Variants in USP20 observed in about 807,000 individuals in gnomAD.
USP20 encodes the protein ubiquitin specific peptidase 20, also known as ubiquitin carboxyl-terminal hydrolase 20.
A neutral mutation model predicts 124.2 loss-of-function variants in USP20; 80 were observed. The observed-to-expected ratio is 0.64, with a 90% CI of 0.54 to 0.78. The LOEUF is 0.78. Ranked by LOEUF, USP20 falls within the 30% of genes least tolerant of loss-of-function variation. USP20 has a pLI of 0.00. For missense variants in USP20, 1,043 were observed against 1,244.4 expected, an observed-to-expected ratio of 0.84 and a Z score of 2.44; for synonymous variants, 481 against 512.3, an observed-to-expected ratio of 0.94 and a Z score of 0.83.
At chr9:129,842,324 G>A (rs892845608) in intron 1 of USP20, among the ~76,000 whole-genome samples, 32 of 152,156 alleles carry the variant, frequency 2.1e-4, no homozygotes, top group Non-Finnish European at 3.8e-4. Flanking sequence ...CCCTCAGTGA[G>A]TGTAGGAAAC....
In USP20 at chr9:129,880,136, G is replaced by C; in HGVS notation, c.2608G>C (p.Glu870Gln). ...KQGADYGQIS[E>Q]ETWTYLNSLY... ...AGGAGCTGACTACGGGCAGATTTCGGAGGAGACCTGGACCTACCTGAACAG... is the reference window on the plus strand; with the variant it reads ...AGGAGCTGACTACGGGCAGATTTCGCAGGAGACCTGGACCTACCTGAACAG... The change falls in exon 25 of 26, where the codon GAG becomes CAG. Residue 870 changes from glutamate to glutamine, a missense_variant. Coordinates refer to ENST00000372429, the MANE Select transcript of USP20 (RefSeq NM_001110303.4). 1.9e-6 allele frequency: 3 copies of C among 1,613,824 alleles called. No homozygotes were observed. Among genetic ancestry groups the C allele is most frequent in the East Asian group, 2.2e-5 (1 of 44,880 alleles).
chr9:129,842,968 A>G (rs1378642901), intron 1 of USP20, among the ~76,000 whole-genome samples: 1 of 152,086 alleles, frequency 6.6e-6, no homozygotes, highest in African/African-American at 2.4e-5. Flanking sequence ...ATTTTTAACC[A>G]TTAATTTTTA....
Position 129,874,619 on chromosome 9 carries a change from A to C in USP20, c.1784A>C (p.Tyr595Ser), listed in dbSNP as rs1201239626. 1 of 1,613,586 alleles carries C rather than the reference A, an allele frequency of 6.2e-7. No individual in the cohort carries two copies. The highest frequency in any genetic ancestry group is 8.5e-7 in the Non-Finnish European group (1 of 1,179,998). Residue 595 changes from tyrosine (Y) to serine (S), a missense_variant, in exon 18 of 26, where the codon TAC (tyrosine) becomes TCC (serine). By Grantham distance (144) the Tyr-to-Ser change is moderately radical. Transcript: ENST00000372429. ...AAGCGCTTTCGGCACGAGGTGATGT[A>C]CTCATTCAAGATCAACAGCCACGTC... Reference protein sequence around the residue: ...HLKRFRHEVMYSFKINSHVSF... With the variant: ...HLKRFRHEVMSSFKINSHVSF...
chr9:129,841,011 T>G (rs1237245742), intron 1 of USP20, among the ~76,000 whole-genome samples: 1 of 152,148 alleles, frequency 6.6e-6, no homozygotes, highest in Non-Finnish European at 1.5e-5. Context: ...CCTCTGGTGA[T>G]CCGCCAGCCT....
chr9:129,841,566 A>G (rs745423257), intron 1 of USP20, among the ~76,000 whole-genome samples: 125 of 152,274 alleles, frequency 8.2e-4, no homozygotes, highest in Non-Finnish European at 1.5e-3. Flanking sequence ...ACATTGACCC[A>G]CAATCCAGCT....
Position 129,846,243 on chromosome 9 carries a change from A to ATT in USP20, c.-128-3569_-128-3568insTT, listed in dbSNP as rs1270846866. 9.7e-3 allele frequency among the ~76,000 whole-genome samples: 350 copies of ATT among 35,948 alleles called. 17 individuals are homozygous for ATT. Among genetic ancestry groups the ATT allele is most frequent in the Admixed American group, 0.023 (48 of 2,086 alleles). The allele number at this position is 35,948 out of a possible 152,430, so 23.6% of individuals were successfully genotyped here. A position where few individuals can be genotyped will look rare whatever the true frequency, so the allele number is the denominator to read the frequency against. On this transcript the variant is annotated intron_variant, in intron 1 of 25. Coordinates refer to ENST00000372429, the MANE Select transcript of USP20 (RefSeq NM_001110303.4). ...TGCGCCCAGCCATATATATATATATATATATTTTTTTTTTTTTTTTTTTTT... is the reference window on the plus strand; with the variant it reads ...TGCGCCCAGCCATATATATATATATATTTATATTTTTTTTTTTTTTTTTTTTT...
rs775910186 is a variant in USP20, at chr9:129,878,374, G to A, written c.2446G>A (p.Val816Ile). Residue 816 changes from valine (V) to isoleucine (I), a missense_variant, in exon 23 of 26, where the codon GTC becomes ATC. Transcript: ENST00000372429. Reference sequence around the variant, plus strand: ...CTTCCAGGCCGAGGAGTCGCCGGGCGTCATCTACTGCATCAGCATGCAGTG... The same window carrying A: ...CTTCCAGGCCGAGGAGTCGCCGGGCATCATCTACTGCATCAGCATGCAGTG... ...KAFQAEESPG[V>I]IYCISMQWFR... 46 of 1,607,796 alleles carry A rather than the reference G, an allele frequency of 2.9e-5. No individual in the cohort carries two copies. Among genetic ancestry groups the A allele is most frequent in the African/African-American group, 5.3e-5 (4 of 74,892 alleles).
At chr9:129,878,590 GC>G (rs1271449176) in intron 23 of USP20, 150 bp downstream of exon 23, 1 of 688,290 alleles carries the variant, frequency 1.5e-6, no homozygotes, top group Non-Finnish European at 2.4e-6. Flanking sequence ...AGAGCATGGG[GC>G]TTTGCCAGTC....
In USP20 at chr9:129,880,628, T is replaced by C. The variant is rs2034602266; in HGVS notation, c.*178T>C. 1 of 214,576 alleles carries C rather than the reference T, an allele frequency of 4.7e-6. No homozygotes were observed. Among genetic ancestry groups the C allele is most frequent in the Non-Finnish European group, 9.6e-6 (1 of 104,588 alleles). 13.3% of individuals were successfully genotyped at this position (214,576 alleles called of 1,614,324 possible). A position where few individuals can be genotyped will look rare whatever the true frequency, so the allele number is the denominator to read the frequency against. On this transcript the variant is annotated 3_prime_UTR_variant, in exon 26 of 26. Coordinates refer to ENST00000372429, the MANE Select transcript of USP20 (RefSeq NM_001110303.4). Reference sequence around the variant, plus strand: ...TCAGGCTTGTTGAAACGACCAAGACTCTGTGACGTTAATTTGGGTCTTTGT... The same window carrying C: ...TCAGGCTTGTTGAAACGACCAAGACCCTGTGACGTTAATTTGGGTCTTTGT...
intron 19 of USP20, 137 bp from the exon 20 acceptor site, chr9:129,875,173 C>A: frequency 8.0e-7 from 1 of 1,243,752 alleles, no homozygotes; most frequent in Non-Finnish European, 1.1e-6. Flanking sequence ...GGGCTGCTCA[C>A]ATGTCCAGGA....
chr9:129,845,416 G>A (rs966936873), intron 1 of USP20, among the ~76,000 whole-genome samples: 2 of 151,978 alleles, frequency 1.3e-5, no homozygotes, highest in African/African-American at 2.4e-5. Flanking sequence ...TTTTTGGTTT[G>A]TTTTTGTTTT....
chr9:129,873,171 C>T (rs966056943), intron 15 of USP20, among the ~76,000 whole-genome samples: 24 of 150,752 alleles, frequency 1.6e-4, no homozygotes, highest in African/African-American at 5.9e-4. Flanking sequence ...CTGCCCCGAG[C>T]CCCCCAGGTT....
chr9:129,876,279 T>G, intron 22 of USP20, 41 bp downstream of exon 22: 1 of 1,539,242 alleles, frequency 6.5e-7, no homozygotes, highest in East Asian at 2.4e-5. Flanking sequence ...TCTGCCAGCC[T>G]CTGCCTGGGG....
In USP20 at chr9:129,875,403, C is replaced by G. The variant is rs747398875; in HGVS notation, c.2142C>G (p.Arg714=). 4 of 1,613,660 alleles carry G rather than the reference C, an allele frequency of 2.5e-6. No individual in the cohort carries two copies. In the South Asian group the frequency reaches 4.4e-5, roughly 18 times the overall value. ...EPSLLRFYVS[R]EWLNKFNTFA... is the part of the protein sequence containing the mutation. Reference sequence around the variant, plus strand: ...GCCTGCTGCGGTTCTACGTGTCCCGCGAGTGGCTCAACAAGTTCAACACCT... The same window carrying G: ...GCCTGCTGCGGTTCTACGTGTCCCGGGAGTGGCTCAACAAGTTCAACACCT... The change falls in exon 20 of 26, where the codon CGC becomes CGG. Residue 714 remains arginine, a synonymous_variant. Transcript: ENST00000372429.
intron 10 of USP20, 150 bp downstream of exon 10, chr9:129,865,531 A>T: frequency 1.3e-6 from 1 of 756,040 alleles, no homozygotes; most frequent in East Asian, 2.7e-5. Context: ...AGCCCTTCAC[A>T]CGTGTGAGGA....
At chr9:129,873,080 C>CTTTTTTTTTTTTTTTTTT (rs59712662) in intron 15 of USP20, among the ~76,000 whole-genome samples, 8 of 78,362 alleles carry the variant, frequency 1.0e-4, no homozygotes, top group Non-Finnish European at 1.6e-4. Context: ...TTTTCTTCTT[C>CTTTTTTTTTTTTTTTTTT]TTTTTTTTTT....
At chr9:129,873,419 C>CT (rs1266789031) in intron 15 of USP20, 63 bp from the exon 16 acceptor site, 20 of 1,587,358 alleles carry the variant, frequency 1.3e-5, no homozygotes, top group Non-Finnish European at 1.4e-5. Context: ...ATTATAGTCA[C>CT]TTTTTTTTGC....
At chr9:129,846,243 A>T (rs568819831) in intron 1 of USP20, among the ~76,000 whole-genome samples, 2,308 of 35,334 alleles carry the variant, frequency 0.065, 119 homozygotes, top group East Asian at 0.27. Context: ...ATATATATAT[A>T]TATATTTTTT....
intron 1 of USP20, chr9:129,835,762 C>G (rs2031776237): frequency 6.6e-6 from 1 of 152,424 alleles, no homozygotes; most frequent in Non-Finnish European, 1.5e-5. Context: ...GGGGCCGCCC[C>G]CCTCTCATTT....
Sources: gnomAD v4.1 joint callset for allele counts (sites outside exome capture counted in the v4.1 genomes callset) on GRCh38, gnomAD v4.1.1 for gene constraint, MANE v1.5 for transcripts, NCBI Gene and HGNC (gene_info 2026-07-23, HGNC 2026-07-21) for gene names.